IQGAP1: variants seen among roughly 807,000 people sequenced by gnomAD.
IQGAP1 encodes IQ motif containing GTPase activating protein 1.
A neutral mutation model predicts 215.6 loss-of-function variants in IQGAP1; 66 were observed. The observed-to-expected ratio is 0.31, with a 90% CI of 0.25 to 0.38. The LOEUF (loss-of-function observed/expected upper bound fraction) is 0.38. Ranked by LOEUF, IQGAP1 falls within the 10% of genes least tolerant of loss-of-function variation. The probability of loss-of-function intolerance (pLI) is 1.00; values close to 1 mark genes in which losing one functional copy is unlikely to be tolerated. For synonymous variants in IQGAP1, 772 were observed against 728.7 expected (o/e 1.06, Z -0.96); for missense variants, 1,712 against 1,997.1 (o/e 0.86, Z 2.72).
intron 4 of IQGAP1, among the ~76,000 whole-genome samples, chr15:90,430,437 A>G (rs761735132): frequency 1.3e-5 from 2 of 152,154 alleles, no homozygotes; most frequent in African/African-American, 4.8e-5. Flanking sequence ...ATTTTTTAGC[A>G]TTGATTATGA....
At chr15:90,455,799 ACT>A (rs997260076) in intron 14 of IQGAP1, among the ~76,000 whole-genome samples, 3 of 152,070 alleles carry the variant, frequency 2.0e-5, no homozygotes, top group African/African-American at 7.2e-5. Context: ...CCTTTTTAAG[ACT>A]CTTCGTGAAT....
At chr15:90,477,955 C>A (rs1489968838) in intron 26 of IQGAP1, 66 bp downstream of exon 26, 11 of 1,024,810 alleles carry the variant, frequency 1.1e-5, no homozygotes, top group Non-Finnish European at 1.6e-5. Context: ...TTTCCCCTCT[C>A]TTTATTTATA....
intron 30 of IQGAP1, among the ~76,000 whole-genome samples, chr15:90,484,950 C>A (rs900607477): frequency 2.6e-5 from 4 of 152,202 alleles, no homozygotes; most frequent in Admixed American, 1.3e-4. Flanking sequence ...CAAAATCCCA[C>A]TAAATTTATC....
intron 17 of IQGAP1, 79 bp from the exon 18 acceptor site, chr15:90,467,371 T>G (rs1184814304): frequency 1.4e-6 from 2 of 1,417,856 alleles, no homozygotes; most frequent in East Asian, 2.4e-5. Context: ...TGAGACTAAC[T>G]AATAATCCTG....
chr15:90,430,430 T>C (rs1212989641), intron 4 of IQGAP1, among the ~76,000 whole-genome samples: 1 of 152,200 alleles, frequency 6.6e-6, no homozygotes, highest in Non-Finnish European at 1.5e-5. Context: ...CAGAAGGATT[T>C]TTTAGCATTG....
chr15:90,425,338 A>G (rs1965206195), intron 2 of IQGAP1, among the ~76,000 whole-genome samples: 1 of 152,134 alleles, frequency 6.6e-6, no homozygotes, highest in African/African-American at 2.4e-5. Flanking sequence ...AGGAAAAAAA[A>G]ACCATTGCCA....
At chr15:90,443,108 GCCA>G (rs1383398183) in intron 8 of IQGAP1, among the ~76,000 whole-genome samples, 1 of 152,168 alleles carries the variant, frequency 6.6e-6, no homozygotes, top group East Asian at 1.9e-4. Flanking sequence ...ACAGGCATGT[GCCA>G]CCACATTGGG....
chr15:90,446,940 T>C (rs955261374), intron 9 of IQGAP1, among the ~76,000 whole-genome samples: 2 of 152,188 alleles, frequency 1.3e-5, no homozygotes, highest in African/African-American at 4.8e-5. Context: ...ATTTAAGTAG[T>C]ATGTGTACAC....
At chr15:90,423,650 G>A (rs776619244) in intron 2 of IQGAP1, among the ~76,000 whole-genome samples, 1 of 152,232 alleles carries the variant, frequency 6.6e-6, no homozygotes, top group Non-Finnish European at 1.5e-5. Context: ...GGTTTGAGCA[G>A]TTGTTTAGAA....
At chr15:90,498,639 G>C (rs1000215352) in intron 37 of IQGAP1, among the ~76,000 whole-genome samples, 7 of 151,928 alleles carry the variant, frequency 4.6e-5, no homozygotes, top group Admixed American at 1.3e-4. Context: ...AATTGAACTT[G>C]TGGGGTCCTT....
At chr15:90,440,967 C>T (rs955422900) in intron 7 of IQGAP1, among the ~76,000 whole-genome samples, 2 of 152,182 alleles carry the variant, frequency 1.3e-5, no homozygotes, top group East Asian at 3.9e-4. Flanking sequence ...TTTAGCCGGG[C>T]ATGGTGGTGT....
At chr15:90,400,469 C>G (rs565650223) in intron 2 of IQGAP1, among the ~76,000 whole-genome samples, 22 of 152,180 alleles carry the variant, frequency 1.4e-4, no homozygotes, top group African/African-American at 5.1e-4. Context: ...GAGTGTGGCA[C>G]AAAAGATCCT....
chr15:90,467,843 A>G (rs1965852641), intron 18 of IQGAP1, among the ~76,000 whole-genome samples: 1 of 152,224 alleles, frequency 6.6e-6, no homozygotes, highest in East Asian at 1.9e-4. Flanking sequence ...CTATAAAAGA[A>G]AAATGAAAAG....
intron 2 of IQGAP1, among the ~76,000 whole-genome samples, chr15:90,406,669 T>A (rs188270877): frequency 6.6e-6 from 1 of 152,228 alleles, no homozygotes; most frequent in Admixed American, 6.5e-5. Context: ...TATTGGGACT[T>A]ACTAGGGCGT....
intron 2 of IQGAP1, among the ~76,000 whole-genome samples, chr15:90,422,605 CATT>C (rs1312779243): frequency 1.6e-5 from 2 of 128,372 alleles, no homozygotes; most frequent in East Asian, 5.8e-4. Flanking sequence ...ATAATTGTCT[CATT>C]CATATATATA....
chr15:90,483,469 C>T lies in IQGAP1; in HGVS notation c.3664C>T (p.Arg1222Cys), dbSNP rs1286939039. The T allele has an allele frequency of 6.2e-7, 1 of 1,614,060 alleles. No homozygotes were observed. Reference sequence around the variant, plus strand: ...AGGAGGCCAGCTTACCACAGACCAACGCCGAAATCTGGGCTCCATTGCAAA... The same window carrying T: ...AGGAGGCCAGCTTACCACAGACCAATGCCGAAATCTGGGCTCCATTGCAAA... ...SAGGQLTTDQ[R>C]RNLGSIAKML... Residue 1222 changes from arginine to cysteine, a missense_variant, in exon 29 of 38, where the codon CGC becomes TGC. This residue lies in a region of IQGAP1 where 691 missense variants were observed against 923.0 expected (regional missense o/e 0.75). Coordinates refer to ENST00000268182, the MANE Select transcript of IQGAP1 (RefSeq NM_003870.4).
chr15:90,491,551 G>A lies in IQGAP1; in HGVS notation c.4461+6G>A, dbSNP rs1966205171. ...TGATCAACGACATTGCCAGGGTACTGCATTCGGGGGACAGAGGGGACCCGG... is the reference window on the plus strand; with the variant it reads ...TGATCAACGACATTGCCAGGGTACTACATTCGGGGGACAGAGGGGACCCGG... On this transcript the variant is annotated splice_donor_region_variant and intron_variant, in intron 34 of 37. Coordinates refer to ENST00000268182, the MANE Select transcript of IQGAP1 (RefSeq NM_003870.4). 1 of 1,612,138 alleles carries A rather than the reference G, an allele frequency of 6.2e-7. No homozygotes were observed. The highest frequency in any genetic ancestry group is 8.5e-7 in the Non-Finnish European group (1 of 1,178,332).
At chr15:90,441,721 T>C (rs1367644329) in intron 8 of IQGAP1, 37 bp downstream of exon 8, 4 of 1,418,586 alleles carry the variant, frequency 2.8e-6, no homozygotes, top group Non-Finnish European at 3.9e-6. Context: ...AATTAATTTA[T>C]ATTATTCCGT....
intron 35 of IQGAP1, among the ~76,000 whole-genome samples, chr15:90,493,604 G>A (rs1966235510): frequency 6.6e-6 from 1 of 152,248 alleles, no homozygotes; most frequent in Non-Finnish European, 1.5e-5. Context: ...AAGCACCCAT[G>A]TGCCCTTCAC....
Sources: allele counts gnomAD v4.1 joint callset (sites outside exome capture counted in the v4.1 genomes callset), GRCh38; gene constraint gnomAD v4.1.1; regional missense constraint gnomAD v4.1.1; transcripts MANE v1.5; gene names NCBI Gene and HGNC (gene_info 2026-07-23, HGNC 2026-07-21).